The following NR6A1 variants were observed in gnomAD, a reference collection of about 807,000 sequenced individuals.
NR6A1 encodes nuclear receptor subfamily 6 group A member 1.
Under a neutral mutation model 59.1 loss-of-function variants are expected in NR6A1, and 7 were observed. The ratio of observed to expected loss-of-function variants is 0.12; its 90% CI spans 0.07 to 0.22. The LOEUF (loss-of-function observed/expected upper bound fraction) is 0.22. Ranked by LOEUF, NR6A1 falls within the 10% of genes least tolerant of loss-of-function variation. The pLI, the probability that NR6A1 is intolerant of heterozygous loss-of-function variation, is 1.00. For synonymous variants in NR6A1, 243 were observed against 236.1 expected, an observed-to-expected ratio of 1.03 and a Z score of -0.27; for missense variants, 468 against 611.6, an observed-to-expected ratio of 0.77 and a Z score of 2.48.
intron 2 of NR6A1, among the ~76,000 whole-genome samples, chr9:124,635,410 G>C (rs1310861859): frequency 6.6e-6 from 1 of 152,148 alleles, no homozygotes; most frequent in Admixed American, 6.5e-5. Context: ...AGTTTCTCAC[G>C]AGATCTGATG....
chr9:124,549,913 G>A (rs932062246), intron 3 of NR6A1, among the ~76,000 whole-genome samples: 12 of 152,122 alleles, frequency 7.9e-5, no homozygotes, highest in Admixed American at 7.9e-4. Context: ...CAATCCAGGG[G>A]CCCACATTGC....
chr9:124,723,241 A>T (rs1485633785), intron 2 of NR6A1, among the ~76,000 whole-genome samples: 1 of 152,178 alleles, frequency 6.6e-6, no homozygotes, highest in Admixed American at 6.5e-5. Context: ...GCTTTCTGTA[A>T]GACCTTGCTA....
intron 2 of NR6A1, among the ~76,000 whole-genome samples, chr9:124,709,424 G>C (rs1839213716): frequency 6.6e-6 from 1 of 152,142 alleles, no homozygotes; most frequent in Non-Finnish European, 1.5e-5. Context: ...ATGGGTGCTA[G>C]AAGGCTATGT....
chr9:124,551,035 T>A (rs1330218818), intron 3 of NR6A1, among the ~76,000 whole-genome samples: 1 of 152,232 alleles, frequency 6.6e-6, no homozygotes, highest in Non-Finnish European at 1.5e-5. Flanking sequence ...TGCCCTTTGA[T>A]ATGCTTCCTT....
chr9:124,630,908 G>A (rs951344514), intron 2 of NR6A1, among the ~76,000 whole-genome samples: 1 of 151,702 alleles, frequency 6.6e-6, no homozygotes, highest in African/African-American at 2.4e-5. Flanking sequence ...CCTGACCTCA[G>A]GTGATCCACC....
chr9:124,731,907 G>T (rs1173099820), intron 2 of NR6A1, among the ~76,000 whole-genome samples: 1 of 152,090 alleles, frequency 6.6e-6, no homozygotes, highest in African/African-American at 2.4e-5. Flanking sequence ...CAACTGTGCA[G>T]GGGGTTGTCA....
intron 1 of NR6A1, among the ~76,000 whole-genome samples, chr9:124,770,661 C>CA (rs1841115396): frequency 8.6e-6 from 1 of 116,110 alleles, no homozygotes; most frequent in African/African-American, 3.4e-5. Flanking sequence ...GCTGGGAAGA[C>CA]AGGGGGAGGG....
chr9:124,617,949 C>T (rs575970743), intron 2 of NR6A1, among the ~76,000 whole-genome samples: 2 of 152,286 alleles, frequency 1.3e-5, no homozygotes, highest in East Asian at 3.9e-4. Flanking sequence ...CCATGCCAAA[C>T]CTTTATCAAC....
intron 2 of NR6A1, among the ~76,000 whole-genome samples, chr9:124,597,114 T>C (rs1316675201): frequency 1.3e-5 from 2 of 152,176 alleles, no homozygotes; most frequent in African/African-American, 4.8e-5. Flanking sequence ...TAGAGGGCTT[T>C]TCTAACCAAC....
At chr9:124,677,644 T>C (rs150926869) in intron 2 of NR6A1, among the ~76,000 whole-genome samples, 9 of 152,250 alleles carry the variant, frequency 5.9e-5, no homozygotes, top group South Asian at 2.1e-4. Flanking sequence ...ATATGTATTA[T>C]ATATGTTAAC....
At chr9:124,736,513 G>A (rs1840024451) in intron 1 of NR6A1, among the ~76,000 whole-genome samples, 1 of 152,020 alleles carries the variant, frequency 6.6e-6, no homozygotes, top group Non-Finnish European at 1.5e-5. Context: ...TTGTAAATTG[G>A]GATCAACAAC....
intron 2 of NR6A1, among the ~76,000 whole-genome samples, chr9:124,596,529 C>G (rs1360427946): frequency 3.3e-5 from 5 of 152,168 alleles, no homozygotes; most frequent in Admixed American, 3.3e-4. Context: ...AGAAAGGAAA[C>G]TAGGTCTGCA....
chr9:124,599,425 A>G (rs541615764), intron 2 of NR6A1: 74 of 401,342 alleles, frequency 1.8e-4, no homozygotes, highest in African/African-American at 1.5e-3. Flanking sequence ...GTCTCAAAAA[A>G]AAAAAAAAAA....
chr9:124,665,060 GGT>G (rs1837570109), intron 2 of NR6A1, among the ~76,000 whole-genome samples: 1 of 150,570 alleles, frequency 6.6e-6, no homozygotes, highest in Admixed American at 6.6e-5. Context: ...CAGACTTGGT[GGT>G]GTGTGCCTCT....
intron 2 of NR6A1, among the ~76,000 whole-genome samples, chr9:124,722,291 C>T (rs951226019): frequency 1.1e-4 from 17 of 152,202 alleles, no homozygotes; most frequent in African/African-American, 3.9e-4. Flanking sequence ...ACAAGGAATA[C>T]CAAATACACA....
intron 2 of NR6A1, among the ~76,000 whole-genome samples, chr9:124,724,704 T>C (rs886910267): frequency 2.4e-4 from 37 of 152,222 alleles, no homozygotes; most frequent in African/African-American, 8.0e-4. Context: ...ATTTCTGAAA[T>C]AGATAATAAG....
At chr9:124,555,985 A>C (rs1833913087) in intron 2 of NR6A1, among the ~76,000 whole-genome samples, 1 of 152,254 alleles carries the variant, frequency 6.6e-6, no homozygotes, top group African/African-American at 2.4e-5. Flanking sequence ...GGAGGGATGC[A>C]GAGAAAGGAG....
chr9:124,731,644 T>A (rs147350962), intron 2 of NR6A1, among the ~76,000 whole-genome samples: 2 of 152,188 alleles, frequency 1.3e-5, no homozygotes, highest in South Asian at 4.1e-4. Flanking sequence ...TCCTTCAGCA[T>A]GAAGGTGGTG....
At chr9:124,552,962 T>C (rs913107871) in intron 3 of NR6A1, among the ~76,000 whole-genome samples, 1 of 152,288 alleles carries the variant, frequency 6.6e-6, no homozygotes, top group East Asian at 1.9e-4. Flanking sequence ...TAAAACCAGT[T>C]TGAATAGTTC....
Sources: gnomAD v4.1 joint callset for allele counts (sites outside exome capture counted in the v4.1 genomes callset) on GRCh38, gnomAD v4.1.1 for gene constraint, MANE v1.5 for transcripts, NCBI Gene and HGNC (gene_info 2026-07-23, HGNC 2026-07-21) for gene names.